The following CYTH3 variants were observed in gnomAD, a reference collection of about 807,000 sequenced individuals.
CYTH3 encodes the protein cytohesin 3, also known as cytohesin-3.
Under a neutral mutation model 55.1 loss-of-function variants are expected in CYTH3, and 23 were observed. The ratio of observed to expected loss-of-function variants is 0.42; its 90% CI spans 0.30 to 0.59. CYTH3 has a LOEUF of 0.59. CYTH3 is among the 20% of genes least tolerant of loss of function. The pLI, the probability that CYTH3 is intolerant of heterozygous loss-of-function variation, is 0.20. For missense variants in CYTH3, 413 were observed against 524.8 expected, an observed-to-expected ratio of 0.79 and a Z score of 2.08; for synonymous variants, 249 against 194.9, an observed-to-expected ratio of 1.28 and a Z score of -2.31.
At chr7:6,172,759 G>A in intron 6 of CYTH3, 1 of 1,256,034 alleles carries the variant, frequency 8.0e-7, no homozygotes, top group African/African-American at 1.5e-5. Flanking sequence ...TGGATGTACA[G>A]CTTCCAGAAA....
chr7:6,240,177 G>A (rs1779637532), intron 1 of CYTH3, among the ~76,000 whole-genome samples: 2 of 151,448 alleles, frequency 1.3e-5, no homozygotes, highest in Non-Finnish European at 2.9e-5. Context: ...GTGGTGGCAG[G>A]CACCTGTACT....
At position 6,187,502 on chromosome 7, in the gene CYTH3, C is replaced by T. The variant is rs374267624; in HGVS notation, c.182+155G>A. Among the ~76,000 whole-genome samples, 8 of 152,246 alleles carry T rather than the reference C, an allele frequency of 5.3e-5. 1 individual carries two copies. The East Asian group carries it at 1.4e-3, about 26-fold the overall frequency. ...ACATCCAGGGAAACACCCCTGGACCCCTCCACGCAGAGTAGGGGGAGAGGA... is the reference window on the plus strand; with the variant it reads ...ACATCCAGGGAAACACCCCTGGACCTCTCCACGCAGAGTAGGGGGAGAGGA... On this transcript the variant is annotated intron_variant, in intron 3 of 12. Coordinates refer to ENST00000350796, the MANE Select transcript of CYTH3 (RefSeq NM_004227.4).
intron 1 of CYTH3, among the ~76,000 whole-genome samples, chr7:6,268,121 C>A (rs1375338583): frequency 1.6e-4 from 24 of 152,086 alleles, no homozygotes; most frequent in Admixed American, 1.6e-3. Context: ...TTTCAAAACA[C>A]AAGAATGGGA....
chr7:6,234,420 G>A (rs1779466039), intron 1 of CYTH3, among the ~76,000 whole-genome samples: 1 of 152,216 alleles, frequency 6.6e-6, no homozygotes, highest in Non-Finnish European at 1.5e-5. Context: ...AGGAAAAGGA[G>A]AGGCCCTCAT....
At chr7:6,184,040 C>A (rs897051555) in intron 4 of CYTH3, among the ~76,000 whole-genome samples, 3 of 149,152 alleles carry the variant, frequency 2.0e-5, no homozygotes, top group Non-Finnish European at 4.4e-5. Flanking sequence ...TTACGCACCC[C>A]CTCTGTGGCT....
intron 1 of CYTH3, among the ~76,000 whole-genome samples, chr7:6,230,297 C>A (rs1779359695): frequency 6.6e-6 from 1 of 152,112 alleles, no homozygotes; most frequent in Non-Finnish European, 1.5e-5. Context: ...AACATTGGTG[C>A]CTCAGCTGGA....
intron 1 of CYTH3, among the ~76,000 whole-genome samples, chr7:6,208,985 A>T (rs1784263604): frequency 6.6e-6 from 1 of 152,238 alleles, no homozygotes; most frequent in Non-Finnish European, 1.5e-5. Flanking sequence ...CTGAATTTTA[A>T]CAAGCTTCCC....
chr7:6,173,893 C>G (rs960332834), intron 5 of CYTH3, among the ~76,000 whole-genome samples, 160 bp from the exon 6 acceptor site: 3 of 152,186 alleles, frequency 2.0e-5, no homozygotes, highest in Non-Finnish European at 4.4e-5. Flanking sequence ...GCAGGGCTGG[C>G]CATGTTACCC....
chr7:6,204,732 T>C (rs1471184842), intron 1 of CYTH3, among the ~76,000 whole-genome samples: 1 of 152,188 alleles, frequency 6.6e-6, no homozygotes, highest in Non-Finnish European at 1.5e-5. Flanking sequence ...AACCCATGGC[T>C]CCCCAATCAA....
chr7:6,210,004 G>A (rs1017823002), intron 1 of CYTH3, among the ~76,000 whole-genome samples: 1 of 152,182 alleles, frequency 6.6e-6, no homozygotes, highest in Non-Finnish European at 1.5e-5. Context: ...CCTGGTTGGT[G>A]AAACTCTTCT....
In CYTH3 at chr7:6,164,703, G is replaced by A. The variant is rs761497897; in HGVS notation, c.*241C>T. On this transcript the variant is annotated 3_prime_UTR_variant, in exon 13 of 13. Transcript: ENST00000350796. ...GACCCCAGCCACGGCAGGAGGCCTC[G>A]AGGATCAGTCTGGGCCACGGTACGC... The A allele has an allele frequency of 7.9e-5, 45 of 571,112 alleles. No individual in the cohort carries two copies. The highest frequency in any genetic ancestry group is 6.4e-4 in the African/African-American group (34 of 53,014). The allele number at this position is 571,112 out of a possible 1,614,324, so 35.4% of individuals were successfully genotyped here. A position where few individuals can be genotyped will look rare whatever the true frequency, so the allele number is the denominator to read the frequency against.
At chr7:6,225,019 T>C (rs547661912) in intron 1 of CYTH3, among the ~76,000 whole-genome samples, 14 of 152,310 alleles carry the variant, frequency 9.2e-5, no homozygotes, top group African/African-American at 3.4e-4. Flanking sequence ...AGAAACCACA[T>C]TAGCCAGTGG....
intron 1 of CYTH3, among the ~76,000 whole-genome samples, chr7:6,198,175 T>A (rs1188305259): frequency 6.6e-6 from 1 of 151,880 alleles, no homozygotes; most frequent in African/African-American, 2.4e-5. Flanking sequence ...CTCAGGATAT[T>A]TGGGGAAAGC....
Position 6,177,901 on chromosome 7 carries a change from G to C in CYTH3, c.290C>G (p.Ser97Cys). Residue 97 changes from serine (S) to cysteine (C), a missense_variant, in exon 5 of 13, where the codon TCC (serine) becomes TGC (cysteine). Around this residue, in one of 4 missense-constraint regions of CYTH3, gnomAD observed 152 missense variants for 148.1 expected, o/e 1.03. Coordinates refer to ENST00000350796, the MANE Select transcript of CYTH3 (RefSeq NM_004227.4). ...AAGGAACTGGGCGACGTCTTCTGGG[G>C]AACTCTGTAGCAGGTCATTTTCTAT... ...FLIENDLLQS[S>C]PEDVAQFLYK... 1.2e-6 allele frequency: 2 copies of C among 1,614,152 alleles called. No individual in the cohort carries two copies. The highest frequency in any genetic ancestry group is 8.5e-7 in the Non-Finnish European group (1 of 1,180,004).
At position 6,261,689 on chromosome 7, in the gene CYTH3, C is replaced by CAAAAAAAA. The variant is rs71549614; in HGVS notation, c.34+10777_34+10784dup. ...TAGGCGACAGAGTGAGACCCTGTCT[C>CAAAAAAAA]AAAAAAAAAAAAAAAAAAAAAAAAA... On this transcript the variant is annotated intron_variant, in intron 1 of 12. Coordinates refer to ENST00000350796, the MANE Select transcript of CYTH3 (RefSeq NM_004227.4). Among the ~76,000 whole-genome samples the CAAAAAAAA allele has an allele frequency of 1.5e-4, 7 of 47,508 alleles. 2 individuals carry two copies. The highest frequency in any genetic ancestry group is 2.9e-4 in the Non-Finnish European group (7 of 24,314). The allele number at this position is 47,508 out of a possible 152,430, so 31.2% of individuals were successfully genotyped here.
intron 1 of CYTH3, among the ~76,000 whole-genome samples, chr7:6,219,643 A>G (rs1045711240): frequency 1.2e-4 from 19 of 152,220 alleles, no homozygotes; most frequent in African/African-American, 4.3e-4. Flanking sequence ...CGCACAGGTA[A>G]GATCTATGGA....
chr7:6,177,496 G>A (rs983003793), intron 5 of CYTH3, among the ~76,000 whole-genome samples: 13 of 152,210 alleles, frequency 8.5e-5, no homozygotes, highest in Non-Finnish European at 1.8e-4. Context: ...TTATTTCTGG[G>A]CAAAACAGAA....
In CYTH3 at chr7:6,267,312, T is replaced by G. The variant is rs555640000; in HGVS notation, c.34+5162A>C. 2.0e-5 allele frequency among the ~76,000 whole-genome samples: 3 copies of G among 152,216 alleles called. No homozygotes were observed. The East Asian group carries it at 5.8e-4, about 29-fold the overall frequency. On this transcript the variant is annotated intron_variant, in intron 1 of 12. Transcript: ENST00000350796. ...AAAAACGGCATGACACAGGCACTAATAGCTCTTGTGCCATGCATAGAACCT... is the reference window on the plus strand; with the variant it reads ...AAAAACGGCATGACACAGGCACTAAGAGCTCTTGTGCCATGCATAGAACCT...
intron 1 of CYTH3, among the ~76,000 whole-genome samples, chr7:6,229,873 T>G (rs1470242947): frequency 2.7e-5 from 4 of 150,268 alleles, no homozygotes; most frequent in Admixed American, 6.6e-5. Flanking sequence ...GGGTGGCTCA[T>G]GCCCGTAATC....
Sources: allele counts gnomAD v4.1 joint callset (sites outside exome capture counted in the v4.1 genomes callset), GRCh38; gene constraint gnomAD v4.1.1; regional missense constraint gnomAD v4.1.1; transcripts MANE v1.5; gene names NCBI Gene and HGNC (gene_info 2026-07-23, HGNC 2026-07-21).